The following RARB variants were observed in gnomAD, a reference collection of about 807,000 sequenced individuals.
RARB encodes the protein retinoic acid receptor beta.
In RARB, 17 loss-of-function variants were observed where a neutral mutation model predicts 51.9. The observed-to-expected ratio is 0.33, with a 90% CI of 0.22 to 0.49. The LOEUF is 0.49. Ranked by LOEUF, RARB falls within the 20% of genes least tolerant of loss-of-function variation. The pLI is 0.99. For missense variants in RARB, 369 were observed against 550.8 expected (o/e 0.67, Z 3.30); for synonymous variants, 215 against 195.4 (o/e 1.10, Z -0.84).
intron 2 of RARB, among the ~76,000 whole-genome samples, chr3:24,898,210 GCTT>G (rs1170901088): frequency 6.6e-6 from 1 of 152,012 alleles, no homozygotes; most frequent in Non-Finnish European, 1.5e-5. Flanking sequence ...TTAGGGCATT[GCTT>G]TCTCTCATAC....
At chr3:25,040,145 A>C (rs1379336889) in intron 2 of RARB, among the ~76,000 whole-genome samples, 1 of 152,174 alleles carries the variant, frequency 6.6e-6, no homozygotes, top group Non-Finnish European at 1.5e-5. Flanking sequence ...AGTGAAAAAA[A>C]TTCCGTCAAC....
intron 2 of RARB, among the ~76,000 whole-genome samples, chr3:24,966,111 TG>T (rs1431900753): frequency 0.04 from 973 of 24,630 alleles, 15 homozygotes; most frequent in African/African-American, 0.14. Flanking sequence ...TTTTTTTTTT[TG>T]GTTATTTTAG....
intron 2 of RARB, among the ~76,000 whole-genome samples, chr3:24,980,054 C>T (rs1446571652): frequency 6.6e-6 from 1 of 152,138 alleles, no homozygotes; most frequent in Non-Finnish European, 1.5e-5. Flanking sequence ...ATATGAAATT[C>T]TAGGTTGAAA....
chr3:25,079,851 T>C (rs149314353), intron 3 of RARB, among the ~76,000 whole-genome samples: 31 of 152,208 alleles, frequency 2.0e-4, no homozygotes, highest in African/African-American at 7.2e-4. Flanking sequence ...GCTTCTTGTT[T>C]AGTTTTCTTA....
chr3:25,047,535 C>T (rs1057221035), intron 2 of RARB, among the ~76,000 whole-genome samples: 17 of 152,266 alleles, frequency 1.1e-4, no homozygotes, highest in South Asian at 4.1e-4. Context: ...TCAAGGAACA[C>T]GGTGTTGCAT....
At chr3:25,011,843 A>G (rs955901027) in intron 2 of RARB, among the ~76,000 whole-genome samples, 2 of 152,120 alleles carry the variant, frequency 1.3e-5, no homozygotes, top group African/African-American at 2.4e-5. Context: ...AACTAATAGC[A>G]TAATCACTAA....
intron 4 of RARB, among the ~76,000 whole-genome samples, chr3:25,165,312 G>C (rs1575190510): frequency 6.6e-6 from 1 of 151,938 alleles, no homozygotes; most frequent in South Asian, 2.1e-4. Flanking sequence ...CATGGCTTCT[G>C]CCACCTTGCT....
At chr3:25,520,801 A>C (rs1214457774) in intron 3 of RARB, among the ~76,000 whole-genome samples, 1 of 152,206 alleles carries the variant, frequency 6.6e-6, no homozygotes, top group Non-Finnish European at 1.5e-5. Flanking sequence ...GCTCATGACA[A>C]ACTTATTACC....
chr3:25,169,975 G>A lies in RARB; in HGVS notation c.-279-4144G>A, dbSNP rs183665053. Among the ~76,000 whole-genome samples, 117 of 136,054 alleles carry A rather than the reference G, an allele frequency of 8.6e-4. 1 individual carries two copies. Among genetic ancestry groups the A allele is most frequent in the Non-Finnish European group, 1.1e-3 (74 of 65,258 alleles). 89.3% of individuals were successfully genotyped at this position (136,054 alleles called of 152,430 possible). A position where few individuals can be genotyped will look rare whatever the true frequency, so the allele number is the denominator to read the frequency against. ...TGCACGCCAGCCTGGGTGACAGAGC[G>A]ACACCTTATTTCTTAAAAAAAAAAA... On this transcript the variant is annotated intron_variant, in intron 4 of 11. Coordinates refer to the RARB transcript ENST00000383772.
chr3:24,930,733 G>A (rs1289090992), intron 2 of RARB, among the ~76,000 whole-genome samples: 2 of 152,044 alleles, frequency 1.3e-5, no homozygotes, highest in African/African-American at 4.8e-5. Flanking sequence ...ACCTGGCCAG[G>A]CATGGAAGCT....
chr3:24,830,091 G>A lies in RARB; in HGVS notation c.-459+688G>A, dbSNP rs1413182846. On this transcript the variant is annotated intron_variant, in intron 1 of 11. Coordinates refer to the RARB transcript ENST00000383772. Reference sequence around the variant, plus strand: ...GGGGCTTGGCGCCGGACACAGGGACGCGGCCAGGGACCGAGCCCTGGAGGC... The same window carrying A: ...GGGGCTTGGCGCCGGACACAGGGACACGGCCAGGGACCGAGCCCTGGAGGC... Among the ~76,000 whole-genome samples the A allele has an allele frequency of 2.0e-5, 3 of 152,168 alleles. No individual in the cohort carries two copies. In the East Asian group the frequency reaches 5.8e-4, roughly 30 times the overall value.
chr3:25,412,318 A>G (rs935715662), intron 5 of RARB, among the ~76,000 whole-genome samples: 1 of 152,164 alleles, frequency 6.6e-6, no homozygotes, highest in African/African-American at 2.4e-5. Context: ...TGTTTTTTTA[A>G]TTGAATGTTG....
At chr3:25,168,593 T>A (rs992336306) in intron 4 of RARB, among the ~76,000 whole-genome samples, 1 of 151,850 alleles carries the variant, frequency 6.6e-6, no homozygotes, top group Admixed American at 6.6e-5. Context: ...GAACAATGTA[T>A]AAATAAGAAA....
intron 2 of RARB, among the ~76,000 whole-genome samples, chr3:25,049,037 C>T (rs1004356010): frequency 6.6e-6 from 1 of 152,168 alleles, no homozygotes; most frequent in Non-Finnish European, 1.5e-5. Context: ...CAGGCGTGAG[C>T]CACCGCGCCC....
At chr3:25,335,273 G>GGGTA (rs879615848) in intron 5 of RARB, among the ~76,000 whole-genome samples, 1 of 136,878 alleles carries the variant, frequency 7.3e-6, no homozygotes, top group Admixed American at 7.2e-5. Flanking sequence ...TGTCTCTCAT[G>GGGTA]ATGACACACA....
At chr3:25,492,288 T>C (rs1304655999) in intron 2 of RARB, among the ~76,000 whole-genome samples, 2 of 152,252 alleles carry the variant, frequency 1.3e-5, no homozygotes, top group Non-Finnish European at 2.9e-5. Flanking sequence ...AGATATATTT[T>C]CACCTAAATT....
intron 3 of RARB, among the ~76,000 whole-genome samples, chr3:25,125,483 G>T (rs548066700): frequency 6.6e-6 from 1 of 152,136 alleles, no homozygotes; most frequent in Non-Finnish European, 1.5e-5. Context: ...GTACTAGGGC[G>T]TATGAAGGAA....
At chr3:24,975,764 C>G (rs1001870776) in intron 2 of RARB, among the ~76,000 whole-genome samples, 1 of 143,238 alleles carries the variant, frequency 7.0e-6, no homozygotes, top group Non-Finnish European at 1.6e-5. Context: ...GGGGAGTTGG[C>G]TGTGATTTTT....
intron 3 of RARB, among the ~76,000 whole-genome samples, chr3:25,073,865 A>C (rs564427102): frequency 6.6e-6 from 1 of 152,276 alleles, no homozygotes; most frequent in South Asian, 2.1e-4. Flanking sequence ...TGTGAATTAG[A>C]CTTTCTTATT....
Sources: allele counts gnomAD v4.1 joint callset (sites outside exome capture counted in the v4.1 genomes callset), GRCh38; gene constraint gnomAD v4.1.1; transcripts MANE v1.5; gene names NCBI Gene and HGNC (gene_info 2026-07-23, HGNC 2026-07-21).